CCDC30: variants seen among roughly 807,000 people sequenced by gnomAD.
CCDC30 encodes coiled-coil domain-containing protein 30.
In CCDC30, 70 loss-of-function variants were observed where a neutral mutation model predicts 100.2. The ratio of observed to expected loss-of-function variants is 0.70; its 90% CI spans 0.58 to 0.85. The LOEUF is 0.85. CCDC30 is among the 40% of genes least tolerant of loss of function. The probability of loss-of-function intolerance (pLI) is 0.00; values close to 1 mark genes in which losing one functional copy is unlikely to be tolerated. For synonymous variants in CCDC30, 233 were observed against 269.5 expected, an observed-to-expected ratio of 0.86 and a Z score of 1.33; for missense variants, 652 against 771.2, an observed-to-expected ratio of 0.85 and a Z score of 1.83.
At chr1:42,476,105 C>T (rs1224069194) in intron 1 of CCDC30, among the ~76,000 whole-genome samples, 1 of 152,122 alleles carries the variant, frequency 6.6e-6, no homozygotes, top group East Asian at 1.9e-4. Context: ...GTTACTTTAA[C>T]AAGGTCTGTA....
At chr1:42,641,703 C>A (rs1417593911) in intron 12 of CCDC30, among the ~76,000 whole-genome samples, 1 of 151,948 alleles carries the variant, frequency 6.6e-6, no homozygotes, top group Non-Finnish European at 1.5e-5. Flanking sequence ...CCTGTCTCTA[C>A]TAAAAATATG....
intron 6 of CCDC30, 126 bp downstream of exon 8, chr1:42,539,436 T>C: frequency 2.6e-6 from 2 of 781,244 alleles, no homozygotes; most frequent in Non-Finnish European, 3.9e-6. Context: ...TATTATAGCA[T>C]AAATTGCCAT....
At chr1:42,628,238 G>A (rs925403422) in intron 11 of CCDC30, among the ~76,000 whole-genome samples, 1 of 152,098 alleles carries the variant, frequency 6.6e-6, no homozygotes, top group African/African-American at 2.4e-5. Flanking sequence ...CTTTGTTTTA[G>A]CTAATTTCTC....
rs1029918274 is a variant in CCDC30, at chr1:42,596,920, A to G, written c.1164+7437A>G. On this transcript the variant is annotated intron_variant, in intron 10 of 16. Coordinates refer to ENST00000668663, the Ensembl canonical transcript of CCDC30. The surrounding 1 kb of genome is among the most constrained non-coding windows in gnomAD (Gnocchi z 4.3). Reference sequence around the variant, plus strand: ...GCAGGAAGAGATGGGCAATGCAAGCAGAGAGAGGGAAATCCTAAGAAAGAA... The same window carrying G: ...GCAGGAAGAGATGGGCAATGCAAGCGGAGAGAGGGAAATCCTAAGAAAGAA... Among the ~76,000 whole-genome samples, 1 of 152,124 alleles carries G rather than the reference A, an allele frequency of 6.6e-6. No homozygotes were observed. Among genetic ancestry groups the G allele is most frequent in the Admixed American group, 6.6e-5 (1 of 15,264 alleles).
intron 6 of CCDC30, among the ~76,000 whole-genome samples, chr1:42,523,772 A>G (rs760250244): frequency 5.9e-5 from 9 of 151,802 alleles, no homozygotes; most frequent in Non-Finnish European, 1.0e-4. Flanking sequence ...CTTTTCTTCA[A>G]TTTTGTTTTG....
upstream of CCDC30, among the ~76,000 whole-genome samples, chr1:42,460,947 C>G (rs552815572): frequency 6.6e-6 from 1 of 152,214 alleles, no homozygotes; most frequent in Non-Finnish European, 1.5e-5. Context: ...ATCTTTGAAT[C>G]CTTGAGAATC....
chr1:42,581,366 G>T, exon 9 of CCDC30: 5 of 1,596,480 alleles, frequency 3.1e-6, no homozygotes, highest in Non-Finnish European at 4.3e-6. Context: ...CAAGATTTTG[G>T]ACCTGCAGCG....
At chr1:42,464,658 C>G (rs1452037725) in intron 1 of CCDC30, among the ~76,000 whole-genome samples, 1 of 152,204 alleles carries the variant, frequency 6.6e-6, no homozygotes, top group Non-Finnish European at 1.5e-5. Flanking sequence ...TAATTTAGAT[C>G]CAGTGCAATT....
In CCDC30 at chr1:42,582,052, T is replaced by C. The variant is rs546516211; in HGVS notation, c.1001+538T>C. On this transcript the variant is annotated intron_variant, in intron 9 of 16. Transcript: ENST00000668663. ...GCCTGGGCAGCATAGTGAGTCTTTGTCTATACCAAAAAAAAAAAAAAAAAA... is the reference window on the plus strand; with the variant it reads ...GCCTGGGCAGCATAGTGAGTCTTTGCCTATACCAAAAAAAAAAAAAAAAAA... Among the ~76,000 whole-genome samples the C allele has an allele frequency of 2.8e-4, 39 of 141,494 alleles. No individual in the cohort carries two copies. In the East Asian group the frequency reaches 7.6e-3, roughly 27 times the overall value. The allele number at this position is 141,494 out of a possible 152,430, so 92.8% of individuals were successfully genotyped here.
At position 42,596,140 on chromosome 1, in the gene CCDC30, T is replaced by C. The variant is rs1350845830; in HGVS notation, c.1164+6657T>C. Among the ~76,000 whole-genome samples the C allele has an allele frequency of 6.6e-6, 1 of 152,172 alleles. No homozygotes were observed. The highest frequency in any genetic ancestry group is 1.9e-4 in the East Asian group (1 of 5,186). On this transcript the variant is annotated intron_variant, in intron 10 of 16. Transcript: ENST00000668663. The surrounding 1 kb of genome is among the most constrained non-coding windows in gnomAD (Gnocchi z 4.3). ...ACAAATACAGATAATCACAACTTACTGGAGCAAAACCTTCATGAGGACCAG... is the reference window on the plus strand; with the variant it reads ...ACAAATACAGATAATCACAACTTACCGGAGCAAAACCTTCATGAGGACCAG...
intron 10 of CCDC30, among the ~76,000 whole-genome samples, chr1:42,600,202 G>A (rs930706079): frequency 2.0e-5 from 3 of 151,880 alleles, no homozygotes; most frequent in Non-Finnish European, 2.9e-5. Flanking sequence ...GGATAAAGAG[G>A]AACATTATTT....
At chr1:42,577,094 G>A (rs894870972) in exon 8 of CCDC30, 2 of 1,614,090 alleles carry the variant, frequency 1.2e-6, no homozygotes, top group Non-Finnish European at 1.7e-6. Flanking sequence ...TCACGGCAGA[G>A]TACAAGCACT....
intron 15 of CCDC30, among the ~76,000 whole-genome samples, chr1:42,647,248 A>G (rs751434516): frequency 4.6e-5 from 7 of 152,134 alleles, no homozygotes; most frequent in Non-Finnish European, 1.0e-4. Flanking sequence ...GTGGGAAAAG[A>G]TATTCCATGC....
chr1:42,598,125 C>A (rs1646329308), intron 10 of CCDC30, among the ~76,000 whole-genome samples: 1 of 152,012 alleles, frequency 6.6e-6, no homozygotes, highest in South Asian at 2.1e-4. Flanking sequence ...CATGATTGTG[C>A]CACTGCATTC....
chr1:42,569,407 C>T (rs1645683527), intron 7 of CCDC30, among the ~76,000 whole-genome samples: 1 of 152,138 alleles, frequency 6.6e-6, no homozygotes, highest in South Asian at 2.1e-4. Flanking sequence ...TAGAGAAATG[C>T]AAATCAAAAC....
At chr1:42,520,228 T>C (rs1308965058) in intron 6 of CCDC30, among the ~76,000 whole-genome samples, 1 of 152,064 alleles carries the variant, frequency 6.6e-6, no homozygotes, top group Non-Finnish European at 1.5e-5. Context: ...TATTTTTTAC[T>C]GTAAGCAGTT....
intron 6 of CCDC30, among the ~76,000 whole-genome samples, chr1:42,563,910 C>A (rs183174979): frequency 4.3e-4 from 66 of 151,880 alleles, no homozygotes; most frequent in African/African-American, 1.1e-3. Flanking sequence ...TTCATAATTA[C>A]ATTATAACCC....
chr1:42,583,051 A>T (rs1645998134), intron 9 of CCDC30, among the ~76,000 whole-genome samples: 1 of 152,236 alleles, frequency 6.6e-6, no homozygotes, highest in Admixed American at 6.5e-5. Context: ...TCAGTCTTCA[A>T]TTAGGGCACA....
chr1:42,491,915 T>A, intron 4 of CCDC30: 1 of 557,346 alleles, frequency 1.8e-6, no homozygotes, highest in Non-Finnish European at 3.1e-6. Context: ...AAATTGCATC[T>A]GATAGCCTCA....
Sources: allele counts gnomAD v4.1 joint callset (sites outside exome capture counted in the v4.1 genomes callset), GRCh38; gene constraint gnomAD v4.1.1; non-coding constraint Gnocchi (gnomAD v3.1); transcripts MANE v1.5; gene names NCBI Gene and HGNC (gene_info 2026-07-23, HGNC 2026-07-21).